Variants in RPS6KL1 observed in about 807,000 individuals in gnomAD.
RPS6KL1 encodes ribosomal protein S6 kinase-like 1.
A neutral mutation model predicts 57.0 loss-of-function variants in RPS6KL1; 41 were observed. The ratio of observed to expected loss-of-function variants is 0.72; its 90% CI spans 0.56 to 0.93. RPS6KL1 has a LOEUF of 0.93. RPS6KL1 is among the 40% of genes least tolerant of loss of function. The pLI is 0.00. For missense variants in RPS6KL1, 697 were observed against 727.7 expected, an observed-to-expected ratio of 0.96 and a Z score of 0.49; for synonymous variants, 287 against 309.7, an observed-to-expected ratio of 0.93 and a Z score of 0.77.
At position 74,907,042 on chromosome 14, in the gene RPS6KL1, G is replaced by A. The variant is rs1885008328; in HGVS notation, c.1622C>T (p.Thr541Ile). 6.2e-7 allele frequency: 1 copy of A among 1,613,244 alleles called. No individual in the cohort carries two copies. The highest frequency in any genetic ancestry group is 1.3e-5 in the African/African-American group (1 of 74,902). Residue 541 changes from threonine (T) to isoleucine (I), a missense_variant, in exon 12 of 12, where the codon ACC becomes ATC. Thr to Ile is a moderately conservative substitution (Grantham distance 89). Coordinates refer to ENST00000557413, the MANE Select transcript of RPS6KL1 (RefSeq NM_031464.5). ...CCCCACCAGCTTGCTCCATTGGATG[G>A]TACTGAAAAAGGGATGGGACTTGAG... ...SKLKSHPFFS[T>I]IQWSKLVG
intron 4 of RPS6KL1, 33 bp downstream of exon 4, chr14:74,919,812 G>A (rs371059455): frequency 9.4e-6 from 15 of 1,600,800 alleles, no homozygotes; most frequent in East Asian, 9.0e-5. Context: ...CCCTCCTCCC[G>A]CTCAGGCCTT....
In RPS6KL1 at chr14:74,922,260, G is replaced by A. The variant is rs951263266; in HGVS notation, c.-303C>T. 1.0e-6 allele frequency: 1 copy of A among 985,944 alleles called. No homozygotes were observed. The highest frequency in any genetic ancestry group is 1.2e-6 in the Non-Finnish European group (1 of 830,292). 61.1% of individuals were successfully genotyped at this position (985,944 alleles called of 1,614,324 possible). On this transcript the variant is annotated 5_prime_UTR_variant, in exon 2 of 12. Transcript: ENST00000557413. ...AGCACATGGAGGCCACACACGCTGG[G>A]CTCAAATGCTGTTCCTCATGCTGTT...
chr14:74,913,073 G>A (rs1297733859), intron 5 of RPS6KL1, among the ~76,000 whole-genome samples: 1 of 152,272 alleles, frequency 6.6e-6, no homozygotes, highest in Non-Finnish European at 1.5e-5. Flanking sequence ...GCCAGCCATG[G>A]TCGGGGTGGG....
rs200181706 is a variant in RPS6KL1 at position 74,909,126 on chromosome 14, G to A, written c.1335C>T (p.Ala445=). Residue 445 remains alanine, a synonymous_variant, in exon 9 of 12, where the codon GCC becomes GCT. Transcript: ENST00000557413. ...SEVEPQCCGE[A]VDNLYSAPEV... ...CTGGGGCGCTGTAGAGATTGTCCAC[G>A]GCCTCCCCGCAGCACTGGGGCTCCA... is the stretch of plus-strand genomic sequence containing the variant. 21 of 1,614,048 alleles carry A rather than the reference G, an allele frequency of 1.3e-5. No homozygotes were observed. In the Admixed American group the frequency reaches 2.0e-4, roughly 15 times the overall value.
At chr14:74,912,907 C>A (rs1886264074) in intron 5 of RPS6KL1, among the ~76,000 whole-genome samples, 1 of 152,210 alleles carries the variant, frequency 6.6e-6, no homozygotes, top group Non-Finnish European at 1.5e-5. Flanking sequence ...TGGGCAGGGG[C>A]GGGCCCCAGC....
rs900632244 is a variant in RPS6KL1, at chr14:74,906,404, G to A, written c.*610C>T. On this transcript the variant is annotated 3_prime_UTR_variant, in exon 12 of 12. Coordinates refer to ENST00000557413, the MANE Select transcript of RPS6KL1 (RefSeq NM_031464.5). ...AAGATAGGGGGCATGGTCAGGAATC[G>A]GGGGTGGGGGGGTGGGGGTGGGGGT... 10 of 298,846 alleles carry A rather than the reference G, an allele frequency of 3.3e-5. No homozygotes were observed. Among genetic ancestry groups the A allele is most frequent in the African/African-American group, 1.7e-4 (4 of 23,746 alleles). The allele number at this position is 298,846 out of a possible 1,614,324, so 18.5% of individuals were successfully genotyped here.
In RPS6KL1 at chr14:74,907,081, C is replaced by A. The variant is rs748275213; in HGVS notation, c.1583G>T (p.Gly528Val). Residue 528 changes from glycine to valine, a missense_variant, in exon 12 of 12, where the codon GGT becomes GTT. Physicochemically the swap from Gly to Val is moderately radical, Grantham distance 109. Coordinates refer to ENST00000557413, the MANE Select transcript of RPS6KL1 (RefSeq NM_031464.5). ...EPTRRLGMGE[G>V]GVSKLKSHPF... ...ATGGGACTTGAGTTTGCTGACACCA[C>A]CTTCTCCCATGCCCAGGCGCCGGGT... 6.2e-7 allele frequency: 1 copy of A among 1,613,846 alleles called. No homozygotes were observed.
chr14:74,919,131 C>T (rs968173948), intron 4 of RPS6KL1, among the ~76,000 whole-genome samples: 47 of 152,310 alleles, frequency 3.1e-4, no homozygotes, highest in African/African-American at 8.9e-4. Flanking sequence ...GCCAAGATCA[C>T]GCCACTGCAC....
intron 5 of RPS6KL1, among the ~76,000 whole-genome samples, chr14:74,912,837 C>T (rs913295379): frequency 3.3e-5 from 5 of 152,260 alleles, no homozygotes; most frequent in Admixed American, 1.3e-4. Context: ...TAGAGGCAGA[C>T]GCTGTCAATC....
In RPS6KL1 at chr14:74,909,146, G is replaced by T; in HGVS notation, c.1315C>A (p.Pro439Thr). 1 of 1,614,214 alleles carries T rather than the reference G, an allele frequency of 6.2e-7. No individual in the cohort carries two copies. The highest frequency in any genetic ancestry group is 1.1e-5 in the South Asian group (1 of 91,086). ...TYFGQWSEVE[P>T]QCCGEAVDNL... Reference sequence around the variant, plus strand: ...TCCACGGCCTCCCCGCAGCACTGGGGCTCCACCTCTGACCACTGGCCAAAA... The same window carrying T: ...TCCACGGCCTCCCCGCAGCACTGGGTCTCCACCTCTGACCACTGGCCAAAA... The change falls in exon 9 of 12, where the codon CCC (proline) becomes ACC (threonine). Residue 439 changes from proline to threonine, a missense_variant. Physicochemically the swap from Pro to Thr is conservative, Grantham distance 38. Coordinates refer to ENST00000557413, the MANE Select transcript of RPS6KL1 (RefSeq NM_031464.5).
intron 5 of RPS6KL1, among the ~76,000 whole-genome samples, chr14:74,912,635 G>A (rs979553897): frequency 2.0e-5 from 3 of 152,102 alleles, no homozygotes; most frequent in Non-Finnish European, 2.9e-5. Flanking sequence ...GGCTTGGCAC[G>A]CTGCGTTCAG....
At chr14:74,919,330 G>T (rs796944874) in intron 4 of RPS6KL1, among the ~76,000 whole-genome samples, 10 of 152,394 alleles carry the variant, frequency 6.6e-5, no homozygotes, top group African/African-American at 2.4e-4. Context: ...ACGCGCAACC[G>T]TGGGGTAAGA....
intron 5 of RPS6KL1, among the ~76,000 whole-genome samples, chr14:74,913,320 G>A (rs1886326802): frequency 6.6e-6 from 1 of 152,158 alleles, no homozygotes; most frequent in African/African-American, 2.4e-5. Context: ...AATTTGGGAG[G>A]CCAAGGCGGG....
chr14:74,909,902 C>T lies in RPS6KL1; in HGVS notation c.911G>A (p.Gly304Asp), dbSNP rs1457645268. 4.3e-6 allele frequency: 7 copies of T among 1,613,938 alleles called. No homozygotes were observed. The highest frequency in any genetic ancestry group is 4.0e-5 in the African/African-American group (3 of 74,944). ...PSTRPQREAEGEPTARTSTSG... is the reference protein window; with the variant it reads ...PSTRPQREAEDEPTARTSTSG... ...GGTGCTGGTCCTGGCTGTGGGTTCA[C>T]CTTCAGCCTCCCTCTGGGGTCTGGT... is the stretch of plus-strand genomic sequence containing the variant. The change falls in exon 8 of 12, where the codon GGT becomes GAT. Residue 304 changes from glycine (G) to aspartate (D), a missense_variant. Gly to Asp is a moderately conservative substitution (Grantham distance 94). Transcript: ENST00000557413.
intron 5 of RPS6KL1, among the ~76,000 whole-genome samples, chr14:74,914,050 TG>T (rs1886457353): frequency 6.6e-6 from 1 of 152,236 alleles, no homozygotes; most frequent in Non-Finnish European, 1.5e-5. Context: ...CACAACCAGG[TG>T]ACCCTGGCAA....
chr14:74,914,473 T>C (rs17183292), intron 5 of RPS6KL1, among the ~76,000 whole-genome samples: 28,272 of 152,232 alleles, frequency 0.19, 2,895 homozygotes, highest in South Asian at 0.3. Context: ...AGATTTCTGT[T>C]AAAAACATAT....
intron 8 of RPS6KL1, 51 bp downstream of exon 8, chr14:74,909,492 T>C (rs1885526089): frequency 6.5e-7 from 1 of 1,536,440 alleles, no homozygotes; most frequent in African/African-American, 1.4e-5. Flanking sequence ...TCTCGTCCTC[T>C]GCCTGGACGC....
At position 74,909,530 on chromosome 14, in the gene RPS6KL1, G is replaced by A. The variant is rs1364960657; in HGVS notation, c.1270+13C>T. The A allele has an allele frequency of 6.3e-7, 1 of 1,579,326 alleles. No homozygotes were observed. The highest frequency in any genetic ancestry group is 1.3e-5 in the African/African-American group (1 of 74,376). On this transcript the variant is annotated intron_variant, in intron 8 of 11. Transcript: ENST00000557413. ...TGGGGGCCACCCCACTGAGGGGTGA[G>A]GAGGGCACCTACCTGCCTGGTCCAG...
Position 74,919,934 on chromosome 14 carries a change from G to C in RPS6KL1, c.301C>G (p.Leu101Val). Residue 101 changes from leucine (L) to valine (V), a missense_variant, in exon 4 of 12, where the codon CTG (leucine) becomes GTG (valine). By Grantham distance (32) the Leu-to-Val change is conservative. Coordinates refer to ENST00000557413, the MANE Select transcript of RPS6KL1 (RefSeq NM_031464.5). Reference protein sequence around the residue: ...PNKERREAVKLKITKYLRRAE... With the variant: ...PNKERREAVKVKITKYLRRAE... ...CGCCGCAGGTATTTGGTAATTTTCA[G>C]CTTCACAGCCTCACGTCGCTCCTTG... 1 of 1,614,178 alleles carries C rather than the reference G, an allele frequency of 6.2e-7. No homozygotes were observed. Among genetic ancestry groups the C allele is most frequent in the South Asian group, 1.1e-5 (1 of 91,088 alleles).
Sources: gnomAD v4.1 joint callset for allele counts (sites outside exome capture counted in the v4.1 genomes callset) on GRCh38, gnomAD v4.1.1 for gene constraint, MANE v1.5 for transcripts, NCBI Gene and HGNC (gene_info 2026-07-23, HGNC 2026-07-21) for gene names.